The following EPS8 variants were observed in gnomAD, a reference collection of about 807,000 sequenced individuals.
The protein encoded by EPS8 is epidermal growth factor receptor kinase substrate 8.
In EPS8, 42 loss-of-function variants were observed where a neutral mutation model predicts 103.8. The ratio of observed to expected loss-of-function variants is 0.40; its 90% CI spans 0.32 to 0.52. The LOEUF (loss-of-function observed/expected upper bound fraction) is 0.52. Ranked by LOEUF, EPS8 falls within the 20% of genes least tolerant of loss-of-function variation. The pLI is 0.40. For synonymous variants in EPS8, 344 were observed against 344.6 expected (o/e 1.00, Z 0.02); for missense variants, 969 against 1,005.1 (o/e 0.96, Z 0.49).
chr12:15,666,510 T>C lies in EPS8; in HGVS notation c.529A>G (p.Ser177Gly), dbSNP rs376084042. 5.0e-6 allele frequency: 8 copies of C among 1,613,354 alleles called. No individual in the cohort carries two copies. Among genetic ancestry groups the C allele is most frequent in the African/African-American group, 2.7e-5 (2 of 74,912 alleles). Residue 177 changes from serine (S) to glycine (G), a missense_variant, in exon 7 of 21, where the codon AGT (serine) becomes GGT (glycine). Transcript: ENST00000281172. ...QCDEVKANLI[S>G]EDIESAISDS... is the part of the protein sequence containing the mutation. Reference sequence around the variant, plus strand: ...CTGATTGCACTTTCAATATCTTCACTAATTAGGTTTGCCTGCAAAGAGACA... The same window carrying C: ...CTGATTGCACTTTCAATATCTTCACCAATTAGGTTTGCCTGCAAAGAGACA...
Position 15,690,821 on chromosome 12 carries a change from G to T in EPS8, c.-21-7849C>A, listed in dbSNP as rs968749369. ...ATTATCCTATGCCTCTTAACATTTTGCCCACAAAGATAAAAATGCACTCTT... is the reference window on the plus strand; with the variant it reads ...ATTATCCTATGCCTCTTAACATTTTTCCCACAAAGATAAAAATGCACTCTT... On this transcript the variant is annotated intron_variant, in intron 1 of 20. Transcript: ENST00000281172. The surrounding 1 kb of genome is among the most constrained non-coding windows in gnomAD (Gnocchi z 4.7). Among the ~76,000 whole-genome samples, 1 of 151,912 alleles carries T rather than the reference G, an allele frequency of 6.6e-6. No homozygotes were observed. The highest frequency in any genetic ancestry group is 1.5e-5 in the Non-Finnish European group (1 of 67,996).
rs1221961686 is a variant in EPS8, at chr12:15,700,461, A to G, written c.-21-17489T>C. On this transcript the variant is annotated intron_variant, in intron 1 of 20. Coordinates refer to ENST00000281172, the MANE Select transcript of EPS8 (RefSeq NM_004447.6). This position sits in a 1 kb window ranked among gnomAD's most constrained non-coding sequence, Gnocchi z 5.1. Reference sequence around the variant, plus strand: ...CAATATAAATTCCTCTAAAATTTACATAACTGGTCACCTGACTCCACTCCT... The same window carrying G: ...CAATATAAATTCCTCTAAAATTTACGTAACTGGTCACCTGACTCCACTCCT... 6.6e-6 allele frequency among the ~76,000 whole-genome samples: 1 copy of G among 152,238 alleles called. No individual in the cohort carries two copies. Among genetic ancestry groups the G allele is most frequent in the Non-Finnish European group, 1.5e-5 (1 of 68,046 alleles).
chr12:15,630,698 A>T (rs538693824), intron 18 of EPS8, among the ~76,000 whole-genome samples: 70 of 152,210 alleles, frequency 4.6e-4, no homozygotes, highest in African/African-American at 1.7e-3. Context: ...CAAGAGGAAG[A>T]GAAGTAGGAA....
Position 15,747,972 on chromosome 12 carries a change from A to G in EPS8, c.-22+41189T>C, listed in dbSNP as rs904975172. On this transcript the variant is annotated intron_variant, in intron 1 of 20. Coordinates refer to ENST00000281172, the MANE Select transcript of EPS8 (RefSeq NM_004447.6). The surrounding 1 kb of genome is among the most constrained non-coding windows in gnomAD (Gnocchi z 4.4). ...GAGGCGGAGATTGCAGTGAGCCGAG[A>G]TCACACCACTGCACTCCAGCCTTGG... Among the ~76,000 whole-genome samples the G allele has an allele frequency of 2.0e-5, 3 of 151,814 alleles. No homozygotes were observed. Among genetic ancestry groups the G allele is most frequent in the African/African-American group, 7.3e-5 (3 of 41,252 alleles).
intron 20 of EPS8, 28 bp from the exon 21 acceptor site, chr12:15,621,458 A>C: frequency 7.5e-7 from 1 of 1,326,718 alleles, no homozygotes; most frequent in Non-Finnish European, 1.1e-6. Flanking sequence ...CAGACAAGAT[A>C]GTTACTGACT....
chr12:15,665,845 G>A lies in EPS8; in HGVS notation c.647C>T (p.Pro216Leu). The stretch of plus-strand genomic sequence containing the variant: ...GACGGTCCCAGGGGGCGCAGGGGCA[G>A]GAGCTCTGGGTGGAGGCGGTATACT... ...DPSIPPPPRA[P>L]APAPPGTVTQ... The change falls in exon 8 of 21, where the codon CCT (proline) becomes CTT (leucine). Residue 216 changes from proline (P) to leucine (L), a missense_variant. By Grantham distance (98) the Pro-to-Leu change is moderately conservative (BLOSUM62 -3). Transcript: ENST00000281172. The A allele has an allele frequency of 1.2e-6, 2 of 1,614,010 alleles. No individual in the cohort carries two copies. The highest frequency in any genetic ancestry group is 1.7e-6 in the Non-Finnish European group (2 of 1,179,930).
intron 1 of EPS8, among the ~76,000 whole-genome samples, chr12:15,765,325 C>A (rs2136035877): frequency 1.3e-5 from 2 of 152,150 alleles, no homozygotes; most frequent in Admixed American, 1.3e-4. Flanking sequence ...ATAAATACTA[C>A]CAAGGGTCAT....
chr12:15,623,369 G>C, intron 19 of EPS8, 82 bp from the exon 20 acceptor site: 1 of 1,292,704 alleles, frequency 7.7e-7, no homozygotes. Flanking sequence ...GTTCCTGCTA[G>C]TAACTTCTCT....
chr12:15,749,185 A>G lies in EPS8; in HGVS notation c.-22+39976T>C, dbSNP rs1946906230. On this transcript the variant is annotated intron_variant, in intron 1 of 20. Transcript: ENST00000281172. This position sits in a 1 kb window ranked among gnomAD's most constrained non-coding sequence, Gnocchi z 4.0. ...TTAGGCTCTCACTAAGGGCCAATAT[A>G]GGAAACAAGTAATTAAAAAAAAATT... Among the ~76,000 whole-genome samples, 1 of 152,184 alleles carries G rather than the reference A, an allele frequency of 6.6e-6. No individual in the cohort carries two copies. The highest frequency in any genetic ancestry group is 1.5e-5 in the Non-Finnish European group (1 of 68,030).
rs1445074735 is a variant in EPS8, at chr12:15,700,201, C to T, written c.-21-17229G>A. Among the ~76,000 whole-genome samples, 1 of 152,054 alleles carries T rather than the reference C, an allele frequency of 6.6e-6. No homozygotes were observed. The highest frequency in any genetic ancestry group is 1.9e-4 in the East Asian group (1 of 5,192). ...AGAAACTCTTCCCTAACCAACTCAA[C>T]GTTAACAATATCTAGTCAATTGGCA... On this transcript the variant is annotated intron_variant, in intron 1 of 20. Coordinates refer to ENST00000281172, the MANE Select transcript of EPS8 (RefSeq NM_004447.6). The surrounding 1 kb of genome is among the most constrained non-coding windows in gnomAD (Gnocchi z 5.1).
rs1429248261 is a variant in EPS8, at chr12:15,749,707, AT to A, written c.-22+39453del. On this transcript the variant is annotated intron_variant, in intron 1 of 20. Coordinates refer to ENST00000281172, the MANE Select transcript of EPS8 (RefSeq NM_004447.6). The surrounding 1 kb of genome is among the most constrained non-coding windows in gnomAD (Gnocchi z 4.0). The stretch of plus-strand genomic sequence containing the variant: ...ATATCATATTGTTCATAATATCTTC[AT>A]ATTGCATTGTTCATTAAAATCAAAT... Among the ~76,000 whole-genome samples the A allele has an allele frequency of 6.6e-6, 1 of 152,162 alleles. No individual in the cohort carries two copies. Among genetic ancestry groups the A allele is most frequent in the East Asian group, 1.9e-4 (1 of 5,198 alleles).
At chr12:15,678,304 C>T (rs925581994) in intron 3 of EPS8, among the ~76,000 whole-genome samples, 1 of 152,152 alleles carries the variant, frequency 6.6e-6, no homozygotes, top group Non-Finnish European at 1.5e-5. Flanking sequence ...AGGGAAGGTA[C>T]TGTGTGTATG....
chr12:15,666,317 A>G (rs1945708690), intron 7 of EPS8, 123 bp downstream of exon 7: 2 of 677,264 alleles, frequency 3.0e-6, no homozygotes, highest in Non-Finnish European at 4.9e-6. Context: ...TGTTGAGACT[A>G]CAGGTTATGA....
In EPS8 at chr12:15,771,555, C is replaced by T. The variant is rs533617514; in HGVS notation, c.-22+17606G>A. 3.3e-5 allele frequency among the ~76,000 whole-genome samples: 5 copies of T among 151,990 alleles called. No individual in the cohort carries two copies. Among genetic ancestry groups the T allele is most frequent in the Admixed American group, 6.6e-5 (1 of 15,264 alleles). On this transcript the variant is annotated intron_variant, in intron 1 of 20. Transcript: ENST00000281172. The surrounding 1 kb of genome is among the most constrained non-coding windows in gnomAD (Gnocchi z 4.6). The stretch of plus-strand genomic sequence containing the variant: ...AAAAACTGAACAGAAGGGGCAAAGG[C>T]GAGGGTTAACTTTAATGTGAAAGCA...
At chr12:15,720,048 G>T (rs1471393039) in intron 1 of EPS8, among the ~76,000 whole-genome samples, 1 of 152,146 alleles carries the variant, frequency 6.6e-6, no homozygotes, top group Admixed American at 6.6e-5. Context: ...TCAGGTTCAT[G>T]TACAAAACAG....
intron 1 of EPS8, among the ~76,000 whole-genome samples, chr12:15,710,613 T>C (rs930149210): frequency 1.4e-4 from 21 of 152,310 alleles, no homozygotes; most frequent in Admixed American, 1.2e-3. Flanking sequence ...CACGATTCTG[T>C]ATAAAAATGC....
At chr12:15,746,170 G>C (rs1946873307) in intron 1 of EPS8, among the ~76,000 whole-genome samples, 1 of 152,118 alleles carries the variant, frequency 6.6e-6, no homozygotes, top group South Asian at 2.1e-4. Flanking sequence ...AGGAGTCAGG[G>C]GGAGACTTCC....
rs115504088 is a variant in EPS8 at position 15,646,852 on chromosome 12, T to C, written c.1568+275A>G. ...CTAATGGAGGGTTTCAAGACAATTC[T>C]TTCTTCTTAATGTACACATTTTGTC... On this transcript the variant is annotated intron_variant, in intron 15 of 20. Transcript: ENST00000281172. Among the ~76,000 whole-genome samples, 1,324 of 152,366 alleles carry C rather than the reference T, an allele frequency of 8.7e-3. 26 individuals are homozygous for C. Among genetic ancestry groups the C allele is most frequent in the African/African-American group, 0.031 (1,270 of 41,584 alleles).
intron 1 of EPS8, among the ~76,000 whole-genome samples, chr12:15,758,903 A>G (rs1422583626): frequency 6.6e-6 from 1 of 152,188 alleles, no homozygotes; most frequent in Non-Finnish European, 1.5e-5. Context: ...ACAAGGGGGC[A>G]GGGAAGAACA....
Sources: allele counts gnomAD v4.1 joint callset (sites outside exome capture counted in the v4.1 genomes callset), GRCh38; gene constraint gnomAD v4.1.1; non-coding constraint Gnocchi (gnomAD v3.1); transcripts MANE v1.5; gene names NCBI Gene and HGNC (gene_info 2026-07-23, HGNC 2026-07-21).